Variants in PHLPP1 observed in about 807,000 individuals in gnomAD.
The protein encoded by PHLPP1 is PH domain and leucine rich repeat protein phosphatase 1.
A neutral mutation model predicts 117.2 loss-of-function variants in PHLPP1; 42 were observed. The ratio of observed to expected loss-of-function variants is 0.36; its 90% CI spans 0.28 to 0.46. The LOEUF (loss-of-function observed/expected upper bound fraction) is 0.46, where lower values mean the gene tolerates loss of function less well. Among genes scored for constraint, PHLPP1 ranks in the 20% least tolerant of loss-of-function variants. The pLI is 1.00. For synonymous variants in PHLPP1, 1,042 were observed against 970.7 expected (o/e 1.07, Z -1.37); for missense variants, 2,084 against 2,241.9 (o/e 0.93, Z 1.42).
chr18:62,771,657 T>G (rs1445831396), intron 1 of PHLPP1, among the ~76,000 whole-genome samples: 1 of 152,232 alleles, frequency 6.6e-6, no homozygotes, highest in Non-Finnish European at 1.5e-5. Context: ...AGGAAGTGGG[T>G]CCTCTAGTTA....
At chr18:62,787,291 C>T (rs183984611) in intron 1 of PHLPP1, among the ~76,000 whole-genome samples, 13 of 152,110 alleles carry the variant, frequency 8.5e-5, no homozygotes, top group East Asian at 3.8e-4. Flanking sequence ...CTCAGCCTCA[C>T]GAGTAGCTGG....
chr18:62,832,818 C>CA (rs1258877383), intron 2 of PHLPP1, among the ~76,000 whole-genome samples: 1 of 150,800 alleles, frequency 6.6e-6, no homozygotes, highest in Non-Finnish European at 1.5e-5. Context: ...TTTATTTTTT[C>CA]TTTTTAATTT....
intron 1 of PHLPP1, among the ~76,000 whole-genome samples, chr18:62,777,713 G>T (rs1913002318): frequency 6.6e-6 from 1 of 151,882 alleles, no homozygotes; most frequent in East Asian, 1.9e-4. Flanking sequence ...TCTATATTTG[G>T]ATATCACTTG....
In PHLPP1 at chr18:62,978,176, G is replaced by A; in HGVS notation, c.3985-86G>A. ...CACTTCTCTGTGGTCCTACAGTCGA[G>A]ACAGTCGAGGGACCCGCAGGGAACC... On this transcript the variant is annotated intron_variant, in intron 16 of 16. Transcript: ENST00000262719. The surrounding 1 kb of genome is among the most constrained non-coding windows in gnomAD (Gnocchi z 7.0). The A allele has an allele frequency of 1.4e-6, 1 of 725,920 alleles. No homozygotes were observed. The highest frequency in any genetic ancestry group is 1.8e-5 in the South Asian group (1 of 56,942). 45.0% of individuals were successfully genotyped at this position (725,920 alleles called of 1,614,324 possible).
intron 1 of PHLPP1, among the ~76,000 whole-genome samples, chr18:62,794,823 A>G (rs2144293754): frequency 6.6e-6 from 1 of 152,326 alleles, no homozygotes; most frequent in East Asian, 1.9e-4. Flanking sequence ...AAATGCTCCA[A>G]GTGGACTCTG....
chr18:62,816,938 C>T (rs1914295845), intron 1 of PHLPP1, among the ~76,000 whole-genome samples: 1 of 152,048 alleles, frequency 6.6e-6, no homozygotes, highest in Non-Finnish European at 1.5e-5. Context: ...GAACTTTTAA[C>T]TATTTAAGTA....
intron 3 of PHLPP1, among the ~76,000 whole-genome samples, chr18:62,855,827 C>CA (rs1915481179): frequency 6.6e-6 from 1 of 152,042 alleles, no homozygotes; most frequent in Non-Finnish European, 1.5e-5. Context: ...AAGTGGTTGC[C>CA]AAATGAAAGG....
Position 62,958,619 on chromosome 18 carries a change from C to G in PHLPP1, c.3325-10C>G, listed in dbSNP as rs991479809. On this transcript the variant is annotated splice_polypyrimidine_tract_variant and intron_variant, in intron 12 of 16. Coordinates refer to ENST00000262719, the MANE Select transcript of PHLPP1 (RefSeq NM_194449.4). ...CATCTCTTTCTTGTTTGCACTTGTT[C>G]TTTTTTCAGTGTGTGGACCTGAGCT... 3.7e-6 allele frequency: 6 copies of G among 1,613,604 alleles called. No individual in the cohort carries two copies. Among genetic ancestry groups the G allele is most frequent in the Non-Finnish European group, 4.2e-6 (5 of 1,179,738 alleles).
At chr18:62,933,275 G>A (rs1475157949) in intron 10 of PHLPP1, among the ~76,000 whole-genome samples, 1 of 152,104 alleles carries the variant, frequency 6.6e-6, no homozygotes, top group Non-Finnish European at 1.5e-5. Flanking sequence ...AAATTCATGT[G>A]GAAACACAAA....
At chr18:62,850,958 C>T (rs1232068249) in intron 3 of PHLPP1, among the ~76,000 whole-genome samples, 4 of 152,132 alleles carry the variant, frequency 2.6e-5, no homozygotes, top group Non-Finnish European at 5.9e-5. Flanking sequence ...TTGTTCTTGG[C>T]CCTGTGTGTG....
At chr18:62,913,739 C>CTTTTTT (rs398033174) in intron 8 of PHLPP1, among the ~76,000 whole-genome samples, 5 of 100,736 alleles carry the variant, frequency 5.0e-5, no homozygotes, top group Admixed American at 1.2e-4. Flanking sequence ...CTCTCTCTCT[C>CTTTTTT]TTTTTTTTTT....
intron 1 of PHLPP1, among the ~76,000 whole-genome samples, chr18:62,820,224 A>G (rs868803508): frequency 6.6e-6 from 1 of 152,230 alleles, no homozygotes; most frequent in African/African-American, 2.4e-5. Context: ...TGCAAGCAGA[A>G]ATAGACAGAT....
intron 12 of PHLPP1, among the ~76,000 whole-genome samples, chr18:62,945,714 C>T (rs1160789627): frequency 6.6e-6 from 1 of 152,236 alleles, no homozygotes; most frequent in East Asian, 1.9e-4. Context: ...TATTAGCCCA[C>T]TAATGGTAAT....
chr18:62,838,915 C>G lies in PHLPP1; in HGVS notation c.1899+6C>G, dbSNP rs1914982751. ...GGCTGCGACAAGTCTCCAAGGTAAG[C>G]AAGCACTTAATCCAGGAATCCACTC... On this transcript the variant is annotated splice_donor_region_variant and intron_variant, in intron 3 of 16. Transcript: ENST00000262719. 1 of 1,613,526 alleles carries G rather than the reference C, an allele frequency of 6.2e-7. No individual in the cohort carries two copies.
chr18:62,798,252 C>G (rs1055420103), intron 1 of PHLPP1, among the ~76,000 whole-genome samples: 1 of 152,190 alleles, frequency 6.6e-6, no homozygotes, highest in Non-Finnish European at 1.5e-5. Context: ...CACCTCACCA[C>G]GTGCCTCAGA....
In PHLPP1 at chr18:62,715,811, C is replaced by T; in HGVS notation, c.128C>T (p.Ala43Val). 2 of 801,468 alleles carry T rather than the reference C, an allele frequency of 2.5e-6. No individual in the cohort carries two copies. Among genetic ancestry groups the T allele is most frequent in the Non-Finnish European group, 1.5e-6 (1 of 654,828 alleles). 49.6% of individuals were successfully genotyped at this position (801,468 alleles called of 1,614,324 possible). The change falls in exon 1 of 17, where the codon GCG (alanine) becomes GTG (valine). Residue 43 changes from alanine to valine, a missense_variant. Physicochemically the swap from Ala to Val is moderately conservative, Grantham distance 64 (BLOSUM62 0). This residue lies in a region of PHLPP1 where 719 missense variants were observed against 636.0 expected (regional missense o/e 1.13). Coordinates refer to ENST00000262719, the MANE Select transcript of PHLPP1 (RefSeq NM_194449.4). ...GCGGCGGCCGCGGCGGCTCTGGCGG[C>T]GGCGGCCGGGGGCGGCCGGAGTCCG... Reference protein sequence around the residue: ...AAAAAAAALAAAAGGGRSPEP... With the variant: ...AAAAAAAALAVAAGGGRSPEP...
intron 3 of PHLPP1, among the ~76,000 whole-genome samples, chr18:62,849,164 T>G (rs1418938526): frequency 6.6e-6 from 1 of 152,206 alleles, no homozygotes; most frequent in African/African-American, 2.4e-5. Context: ...TTAAGAAATC[T>G]GAGATGCTTT....
intron 9 of PHLPP1, among the ~76,000 whole-genome samples, chr18:62,918,195 G>A: frequency 9.2e-6 from 1 of 109,286 alleles, no homozygotes; most frequent in African/African-American, 3.7e-5. Context: ...GACAGAGTGA[G>A]ACTCTGTCTC....
chr18:62,913,739 CTTTTTT>C (rs398033174), intron 8 of PHLPP1, among the ~76,000 whole-genome samples: 4 of 100,740 alleles, frequency 4.0e-5, no homozygotes, highest in South Asian at 3.4e-4. Context: ...CTCTCTCTCT[CTTTTTT>C]TTTTTTTTTT....
Sources: allele counts gnomAD v4.1 joint callset (sites outside exome capture counted in the v4.1 genomes callset), GRCh38; gene constraint gnomAD v4.1.1; regional missense constraint gnomAD v4.1.1; non-coding constraint Gnocchi (gnomAD v3.1); transcripts MANE v1.5; gene names NCBI Gene and HGNC (gene_info 2026-07-23, HGNC 2026-07-21).